Variants in CYREN observed in about 807,000 individuals in gnomAD.
CYREN encodes the protein cell cycle regulator of NHEJ.
CYREN carries 7 observed loss-of-function variants against 9.7 expected under a neutral mutation model. That is an observed-to-expected ratio of 0.72 (90% confidence interval 0.41 to 1.36). The LOEUF (loss-of-function observed/expected upper bound fraction) is 1.36. Ranked by LOEUF, CYREN falls within the 40% of genes most tolerant of loss-of-function variation. The pLI is 0.01. For synonymous variants in CYREN, 76 were observed against 77.9 expected (o/e 0.98, Z 0.13); for missense variants, 215 against 198.1 (o/e 1.09, Z -0.51).
chr7:135,132,726 G>A (rs1828950189), intron 2 of CYREN, among the ~76,000 whole-genome samples: 1 of 152,156 alleles, frequency 6.6e-6, no homozygotes, highest in Admixed American at 6.5e-5. Flanking sequence ...TGCATAAGCT[G>A]TCTTGCGTGC....
chr7:135,104,330 G>A (rs913065447), intron 2 of CYREN, among the ~76,000 whole-genome samples: 1 of 152,112 alleles, frequency 6.6e-6, no homozygotes, highest in Non-Finnish European at 1.5e-5. Flanking sequence ...TAGGCATCTA[G>A]GTTGATTCCA....
intron 2 of CYREN, among the ~76,000 whole-genome samples, chr7:135,144,938 T>TAAAAAAAAAAAAAAAAA (rs58443282): frequency 8.8e-5 from 4 of 45,624 alleles, no homozygotes; most frequent in African/African-American, 9.6e-5. Context: ...CTCAAAAGAG[T>TAAAAAAAAAAAAAAAAA]AAAAAAAAAA....
rs148698786 is a variant in CYREN at position 135,096,887 on chromosome 7, C to A, written n.357-2305G>T. ...AAGATACGCAAAATAGAGCATATGACAAAATATGCAGAAAAGAATTTGGGA... is the reference window on the plus strand; with the variant it reads ...AAGATACGCAAAATAGAGCATATGAAAAAATATGCAGAAAAGAATTTGGGA... On this transcript the variant is annotated intron_variant and non_coding_transcript_variant, in intron 2 of 2. Coordinates refer to the CYREN transcript ENST00000459937. Among the ~76,000 whole-genome samples, 427 of 151,928 alleles carry A rather than the reference C, an allele frequency of 2.8e-3. 1 individual carries two copies. The highest frequency in any genetic ancestry group is 9.6e-3 in the African/African-American group (400 of 41,452).
At chr7:135,095,743 G>C (rs2116955782) in intron 2 of CYREN, among the ~76,000 whole-genome samples, 1 of 152,256 alleles carries the variant, frequency 6.6e-6, no homozygotes, top group African/African-American at 2.4e-5. Flanking sequence ...GACTGCTGAT[G>C]TTGGCAACCA....
exon 3 of CYREN, chr7:135,094,571 C>T (rs1262109115): frequency 4.4e-6 from 2 of 456,032 alleles, no homozygotes; most frequent in Admixed American, 2.4e-5. Context: ...CAAGAAAGAC[C>T]TCTTAGTTGC....
chr7:135,110,527 T>C (rs1391441661), intron 2 of CYREN, among the ~76,000 whole-genome samples: 1 of 152,148 alleles, frequency 6.6e-6, no homozygotes, highest in African/African-American at 2.4e-5. Context: ...GCTGCAAAGA[T>C]CTGTGGGAGA....
At chr7:135,168,093 C>A in intron 2 of CYREN, 1 of 470,108 alleles carries the variant, frequency 2.1e-6, no homozygotes. Flanking sequence ...GAAACACACA[C>A]ATGGATGCAA....
Position 135,166,863 on chromosome 7 carries a change from T to A in CYREN, c.222A>T (p.Lys74Asn). The change falls in exon 4 of 4, where the codon AAA becomes AAT. Residue 74 changes from lysine (K) to asparagine (N), a missense_variant. Coordinates refer to ENST00000393114, the MANE Select transcript of CYREN (RefSeq NM_024033.4). ...CCGGCTGCTCGCAGGCCTTTTCCTG[T>A]TTGCGGCTCTGTGGAGTACGGGAAA... ...VALGILIESR[K>N]QEKACEQPAL... 2 of 1,613,414 alleles carry A rather than the reference T, an allele frequency of 1.2e-6. No homozygotes were observed. Among genetic ancestry groups the A allele is most frequent in the Non-Finnish European group, 1.7e-6 (2 of 1,179,424 alleles).
intron 2 of CYREN, among the ~76,000 whole-genome samples, chr7:135,101,570 G>C (rs1023455274): frequency 6.6e-6 from 1 of 151,654 alleles, no homozygotes; most frequent in Non-Finnish European, 1.5e-5. Context: ...ACCACCACCC[G>C]CCAAGAAAAT....
At chr7:135,144,093 G>C (rs1829500577) in intron 2 of CYREN, among the ~76,000 whole-genome samples, 1 of 152,208 alleles carries the variant, frequency 6.6e-6, no homozygotes, top group African/African-American at 2.4e-5. Context: ...ATGAGGCCAA[G>C]AGGTCAGGGA....
intron 2 of CYREN, among the ~76,000 whole-genome samples, chr7:135,104,806 G>A (rs1585139379): frequency 1.3e-5 from 2 of 150,482 alleles, no homozygotes; most frequent in East Asian, 3.9e-4. Flanking sequence ...ATTTGTTTAA[G>A]TTCTTTATAG....
chr7:135,162,112 GTTCT>G (rs1829956586), downstream of CYREN, among the ~76,000 whole-genome samples: 7 of 152,216 alleles, frequency 4.6e-5, no homozygotes, highest in Admixed American at 3.9e-4. Context: ...CCTGTTCCAT[GTTCT>G]TTATTTTCCC....
chr7:135,105,368 C>A (rs1473631810), intron 2 of CYREN, among the ~76,000 whole-genome samples: 2 of 152,176 alleles, frequency 1.3e-5, no homozygotes, highest in Non-Finnish European at 2.9e-5. Flanking sequence ...CTGCGCCCAA[C>A]CTACATTCAA....
intron 2 of CYREN, among the ~76,000 whole-genome samples, chr7:135,141,979 T>C (rs1450188062): frequency 6.6e-6 from 1 of 152,140 alleles, no homozygotes; most frequent in Non-Finnish European, 1.5e-5. Context: ...GCGGTTGATC[T>C]TAGAGTATGT....
At chr7:135,116,028 T>TA (rs1231123975) in intron 2 of CYREN, among the ~76,000 whole-genome samples, 1 of 152,060 alleles carries the variant, frequency 6.6e-6, no homozygotes, top group Non-Finnish European at 1.5e-5. Flanking sequence ...CTTCTAAAGA[T>TA]AAAAAACAGA....
chr7:135,099,592 G>T (rs1396465143), intron 2 of CYREN, among the ~76,000 whole-genome samples: 1 of 152,076 alleles, frequency 6.6e-6, no homozygotes, highest in Non-Finnish European at 1.5e-5. Context: ...AACTGTACTT[G>T]ATTTCTTCTA....
intron 2 of CYREN, chr7:135,115,402 C>T (rs1411856561): frequency 5.2e-6 from 8 of 1,550,362 alleles, no homozygotes; most frequent in Non-Finnish European, 7.0e-6. Flanking sequence ...ACTTAAAAAG[C>T]AAAATAAAAG....
At chr7:135,109,531 C>T (rs948114434) in intron 2 of CYREN, among the ~76,000 whole-genome samples, 1 of 152,094 alleles carries the variant, frequency 6.6e-6, no homozygotes, top group Non-Finnish European at 1.5e-5. Flanking sequence ...TGCTCCAGTC[C>T]CTTGTCACCT....
At chr7:135,123,003 A>C (rs956314502) in intron 2 of CYREN, among the ~76,000 whole-genome samples, 1 of 152,178 alleles carries the variant, frequency 6.6e-6, no homozygotes, top group African/African-American at 2.4e-5. Context: ...AAATGATCGC[A>C]ATGTATCTCC....
Sources: gnomAD v4.1 joint callset for allele counts (sites outside exome capture counted in the v4.1 genomes callset) on GRCh38, gnomAD v4.1.1 for gene constraint, MANE v1.5 for transcripts, NCBI Gene and HGNC (gene_info 2026-07-23, HGNC 2026-07-21) for gene names.